FRMD3: variants seen among roughly 807,000 people sequenced by gnomAD.
FRMD3 encodes the protein FERM domain-containing protein 3.
FRMD3 carries 33 observed loss-of-function variants against 70.2 expected under a neutral mutation model. The ratio of observed to expected loss-of-function variants is 0.47; its 90% confidence interval spans 0.36 to 0.63. The LOEUF is 0.63. Among genes scored for constraint, FRMD3 ranks in the 20% least tolerant of loss-of-function variants. The pLI, the probability that FRMD3 is intolerant of heterozygous loss-of-function variation, is 0.00. For missense variants in FRMD3, 632 were observed against 711.4 expected (o/e 0.89, Z 1.27); for synonymous variants, 279 against 255.9 (o/e 1.09, Z -0.86).
At chr9:83,477,398 T>G (rs1828426794) in intron 1 of FRMD3, among the ~76,000 whole-genome samples, 1 of 152,148 alleles carries the variant, frequency 6.6e-6, no homozygotes, top group Non-Finnish European at 1.5e-5. Flanking sequence ...GGTTCTCACT[T>G]TGGCTGCATT....
intron 1 of FRMD3, among the ~76,000 whole-genome samples, chr9:83,424,839 T>C (rs1014937154): frequency 2.0e-5 from 3 of 152,234 alleles, no homozygotes; most frequent in Non-Finnish European, 4.4e-5. Flanking sequence ...CTGTTTTCAT[T>C]TTTACAGGTG....
At position 83,245,318 on chromosome 9, in the gene FRMD3, A is replaced by C. The variant is rs536500648; in HGVS notation, c.*2600T>G. 98 of 985,424 alleles carry C rather than the reference A, an allele frequency of 9.9e-5. No individual in the cohort carries two copies. In the African/African-American group the frequency reaches 1.7e-3, roughly 17 times the overall value. 61.0% of individuals were successfully genotyped at this position (985,424 alleles called of 1,614,324 possible). ...CTGGAAGCAGGCTTTTCCTCATTCG[A>C]TTCAGGCAACTGGTGACTATCTTCT... On this transcript the variant is annotated 3_prime_UTR_variant, in exon 14 of 14. Coordinates refer to ENST00000304195, the MANE Select transcript of FRMD3 (RefSeq NM_174938.6).
chr9:83,308,695 T>C (rs1160074337), intron 10 of FRMD3, among the ~76,000 whole-genome samples: 1 of 152,216 alleles, frequency 6.6e-6, no homozygotes, highest in African/African-American at 2.4e-5. Context: ...CTGAGAGCTT[T>C]ACAGATGGTT....
rs1054487436 is a variant in FRMD3 at position 83,401,891 on chromosome 9, G to A, written c.148-12183C>T. On this transcript the variant is annotated intron_variant, in intron 1 of 13. Transcript: ENST00000304195. ...AATGCTTACAAATAATCCTAATAGCGATCACACTAGGGCTCAGTCCAACAC... is the reference window on the plus strand; with the variant it reads ...AATGCTTACAAATAATCCTAATAGCAATCACACTAGGGCTCAGTCCAACAC... Among the ~76,000 whole-genome samples, 9 of 152,198 alleles carry A rather than the reference G, an allele frequency of 5.9e-5. No homozygotes were observed. In the East Asian group the frequency reaches 1.5e-3, roughly 26 times the overall value.
At chr9:83,421,516 G>A (rs1029899999) in intron 1 of FRMD3, among the ~76,000 whole-genome samples, 1 of 152,186 alleles carries the variant, frequency 6.6e-6, no homozygotes, top group Admixed American at 6.5e-5. Context: ...GGGGGTAGCA[G>A]AGCACAGCTC....
chr9:83,258,260 T>C (rs777118432), intron 13 of FRMD3, among the ~76,000 whole-genome samples: 19 of 152,204 alleles, frequency 1.2e-4, no homozygotes, highest in Non-Finnish European at 2.6e-4. Flanking sequence ...AAGCAAAATA[T>C]AGAGACCTTT....
chr9:83,417,366 ATG>A (rs1221327739), intron 1 of FRMD3, among the ~76,000 whole-genome samples: 1 of 152,170 alleles, frequency 6.6e-6, no homozygotes, highest in Non-Finnish European at 1.5e-5. Context: ...ACTCACCTGT[ATG>A]TGTGTGTCTA....
At chr9:83,267,403 C>A in intron 13 of FRMD3, 1 of 888,034 alleles carries the variant, frequency 1.1e-6, no homozygotes, top group Non-Finnish European at 1.5e-6. Context: ...CCTTTCTAAA[C>A]CTTCCGGACC....
At chr9:83,550,848 GTTGT>G in the FRMD3 span, among the ~76,000 whole-genome samples, 1 of 152,058 alleles carries the variant, frequency 6.6e-6, no homozygotes, top group Non-Finnish European at 1.5e-5. Context: ...TTTTGCTGAA[GTTGT>G]TTGTCAGCTG....
intron 3 of FRMD3, among the ~76,000 whole-genome samples, chr9:83,367,719 G>A (rs1028124617): frequency 2.0e-4 from 30 of 152,172 alleles, no homozygotes; most frequent in African/African-American, 7.0e-4. Flanking sequence ...AAAATCTCAA[G>A]CCTAATTTAT....
chr9:83,543,482 T>G (rs551694346), upstream of FRMD3, among the ~76,000 whole-genome samples: 5 of 152,076 alleles, frequency 3.3e-5, no homozygotes, highest in African/African-American at 1.2e-4. Context: ...ACCCCCAAAT[T>G]TGAGCTATGG....
At chr9:83,357,241 ACATACATAT>A (rs1398057097) in intron 3 of FRMD3, among the ~76,000 whole-genome samples, 283 of 7,060 alleles carry the variant, frequency 0.04, 35 homozygotes, top group South Asian at 0.098. Flanking sequence ...TATATATAAT[ACATACATAT>A]ATATATATAT....
At chr9:83,574,803 C>T in the FRMD3 span, among the ~76,000 whole-genome samples, 3 of 152,078 alleles carry the variant, frequency 2.0e-5, no homozygotes, top group Non-Finnish European at 4.4e-5. Flanking sequence ...AACCCAGGAC[C>T]TCTAAGATTT....
intron 1 of FRMD3, among the ~76,000 whole-genome samples, chr9:83,443,809 C>T (rs1369097807): frequency 2.0e-5 from 3 of 152,104 alleles, no homozygotes; most frequent in Admixed American, 1.3e-4. Context: ...CCTGTTGTTT[C>T]CTGACTTTTT....
At chr9:83,276,225 A>G (rs531453877) in intron 13 of FRMD3, 1 of 152,306 alleles carries the variant, frequency 6.6e-6, no homozygotes, top group South Asian at 2.1e-4. Context: ...CTCCAATTAG[A>G]ACAGCCTATT....
chr9:83,289,586 A>G (rs945021378), intron 13 of FRMD3, among the ~76,000 whole-genome samples: 1 of 152,214 alleles, frequency 6.6e-6, no homozygotes, highest in African/African-American at 2.4e-5. Context: ...CTTATTATAG[A>G]CTAAGAAGTT....
At chr9:83,436,781 G>GAAA (rs200464485) in intron 1 of FRMD3, among the ~76,000 whole-genome samples, 1 of 132,280 alleles carries the variant, frequency 7.6e-6, no homozygotes, top group Non-Finnish European at 1.6e-5. Flanking sequence ...GGACCAAGGG[G>GAAA]AAAAAAAAAA....
At chr9:83,482,878 C>T (rs1387378020) in intron 1 of FRMD3, among the ~76,000 whole-genome samples, 2 of 152,186 alleles carry the variant, frequency 1.3e-5, no homozygotes, top group East Asian at 3.9e-4. Flanking sequence ...CCTACACTCT[C>T]CCCCAGGAGC....
chr9:83,533,991 T>C (rs1416772325), intron 1 of FRMD3, among the ~76,000 whole-genome samples: 4 of 151,966 alleles, frequency 2.6e-5, no homozygotes, highest in Admixed American at 1.3e-4. Flanking sequence ...TGCCGGTGTC[T>C]AAAGAAAAAA....
Sources: gnomAD v4.1 joint callset for allele counts (sites outside exome capture counted in the v4.1 genomes callset) on GRCh38, gnomAD v4.1.1 for gene constraint, MANE v1.5 for transcripts, NCBI Gene and HGNC (gene_info 2026-07-23, HGNC 2026-07-21) for gene names.